The following RYR3 variants were observed in gnomAD, a reference collection of about 807,000 sequenced individuals.
The protein encoded by RYR3 is ryanodine receptor 3, also known as brain ryanodine receptor-calcium release channel.
A neutral mutation model predicts 584.3 loss-of-function variants in RYR3; 207 were observed. The ratio of observed to expected loss-of-function variants is 0.35; its 90% CI spans 0.32 to 0.40. The LOEUF (loss-of-function observed/expected upper bound fraction) is 0.40. RYR3 is among the 10% of genes least tolerant of loss of function. RYR3 has a pLI of 1.00. For missense variants in RYR3, 5,616 were observed against 6,089.2 expected, an observed-to-expected ratio of 0.92 and a Z score of 2.59; for synonymous variants, 2,416 against 2,248.5, an observed-to-expected ratio of 1.07 and a Z score of -2.11.
At chr15:33,505,700 G>T (rs1342787631) in intron 3 of RYR3, among the ~76,000 whole-genome samples, 1 of 152,144 alleles carries the variant, frequency 6.6e-6, no homozygotes, top group Non-Finnish European at 1.5e-5. Flanking sequence ...CACCGTGTTA[G>T]CCAGGATGGT....
At chr15:33,561,562 C>T (rs1161459041) in intron 10 of RYR3, among the ~76,000 whole-genome samples, 1 of 152,138 alleles carries the variant, frequency 6.6e-6, no homozygotes, top group African/African-American at 2.4e-5. Context: ...GAACTTAGAA[C>T]ATTGTACTGA....
intron 1 of RYR3, among the ~76,000 whole-genome samples, chr15:33,472,744 A>G (rs999590615): frequency 1.3e-5 from 2 of 152,016 alleles, no homozygotes; most frequent in African/African-American, 4.8e-5. Flanking sequence ...TTTGGGATTG[A>G]TATTTAGGAG....
At chr15:33,456,454 T>C (rs2047568713) in intron 1 of RYR3, among the ~76,000 whole-genome samples, 1 of 152,224 alleles carries the variant, frequency 6.6e-6, no homozygotes, top group African/African-American at 2.4e-5. Context: ...GCTGTGTGAT[T>C]GGTTGCCCAG....
intron 10 of RYR3, among the ~76,000 whole-genome samples, chr15:33,558,664 A>G (rs1451045289): frequency 1.3e-5 from 2 of 152,228 alleles, no homozygotes; most frequent in Non-Finnish European, 2.9e-5. Context: ...CATTTGACCC[A>G]GAAATCCCAG....
chr15:33,659,023 A>G (rs951399495), intron 32 of RYR3, among the ~76,000 whole-genome samples: 1 of 152,182 alleles, frequency 6.6e-6, no homozygotes, highest in African/African-American at 2.4e-5. Flanking sequence ...TTTCTCAATC[A>G]GGGGTACTTT....
chr15:33,794,295 TTATATATATATTTTTA>T (rs1397465453), intron 67 of RYR3, among the ~76,000 whole-genome samples: 30 of 77,002 alleles, frequency 3.9e-4, no homozygotes, highest in African/African-American at 8.5e-4. Context: ...AAAAGATTTT[TTATATATATATTTTTA>T]TATATATATA....
At position 33,848,995 on chromosome 15, in the gene RYR3, C is replaced by T. The variant is rs185368955; in HGVS notation, c.13628+574C>T. 496 of 152,584 alleles carry T rather than the reference C, an allele frequency of 3.3e-3. 5 individuals are homozygous for T. Among genetic ancestry groups the T allele is most frequent in the East Asian group, 1.3e-3 (7 of 5,202 alleles). The allele number at this position is 152,584 out of a possible 1,614,324, so 9.5% of individuals were successfully genotyped here. On this transcript the variant is annotated intron_variant, in intron 94 of 103. Transcript: ENST00000634891. ...GGACTACAGGCGCCTGCCACCACGC[C>T]TGGATAATTTTTTTGTATTTTCAGT...
intron 1 of RYR3, among the ~76,000 whole-genome samples, chr15:33,369,883 A>T (rs1030487893): frequency 2.0e-5 from 3 of 152,322 alleles, no homozygotes; most frequent in African/African-American, 7.2e-5. Context: ...CTTGATTATA[A>T]TCCCCATGGA....
intron 60 of RYR3, among the ~76,000 whole-genome samples, chr15:33,765,263 G>T (rs61040644): frequency 6.6e-6 from 1 of 152,000 alleles, no homozygotes; most frequent in African/African-American, 2.4e-5. Flanking sequence ...TGTGCCTCAG[G>T]TTCTCTCTGT....
chr15:33,720,866 C>A (rs2067854057), intron 43 of RYR3, among the ~76,000 whole-genome samples: 1 of 139,724 alleles, frequency 7.2e-6, no homozygotes, highest in Non-Finnish European at 1.6e-5. Flanking sequence ...AGAGCCAGAC[C>A]CTGTCTCTTA....
At chr15:33,548,322 T>G (rs1413098016) in intron 9 of RYR3, 118 bp downstream of exon 9, 1 of 628,522 alleles carries the variant, frequency 1.6e-6, no homozygotes, top group Non-Finnish European at 2.8e-6. Flanking sequence ...GTCCTTTGTC[T>G]AGAGCTAAGT....
At chr15:33,845,511 C>G (rs1448099483) in intron 93 of RYR3, among the ~76,000 whole-genome samples, 1 of 152,200 alleles carries the variant, frequency 6.6e-6, no homozygotes, top group Non-Finnish European at 1.5e-5. Context: ...GCCTCGGCCT[C>G]CCACAGTGCT....
chr15:33,776,281 A>G (rs1013322207), intron 64 of RYR3, among the ~76,000 whole-genome samples: 2 of 152,218 alleles, frequency 1.3e-5, no homozygotes, highest in Admixed American at 6.5e-5. Flanking sequence ...AGACAACAAC[A>G]CTGAGAATGT....
Position 33,571,273 on chromosome 15 carries a change from G to T in RYR3, c.1268+4474G>T, listed in dbSNP as rs77989447. Among the ~76,000 whole-genome samples, 356 of 152,266 alleles carry T rather than the reference G, an allele frequency of 2.3e-3. 11 individuals carry two copies. In the East Asian group the frequency reaches 0.048, roughly 20 times the overall value. ...GGAAGTTCCCTTCTATTCCTGGTTT[G>T]TTGAGAGCTTTTATCTTGAATGAGC... is the stretch of plus-strand genomic sequence containing the variant. On this transcript the variant is annotated intron_variant, in intron 12 of 103. Transcript: ENST00000634891.
At chr15:33,763,498 A>C (rs1342192515) in intron 60 of RYR3, among the ~76,000 whole-genome samples, 1 of 152,094 alleles carries the variant, frequency 6.6e-6, no homozygotes. Context: ...TTATGCGGCC[A>C]ACAAACATAT....
At chr15:33,621,170 A>C (rs141523597) in intron 19 of RYR3, among the ~76,000 whole-genome samples, 1 of 152,236 alleles carries the variant, frequency 6.6e-6, no homozygotes, top group East Asian at 1.9e-4. Flanking sequence ...TTTGAAACTC[A>C]ACAATTAGCA....
chr15:33,511,196 T>C (rs894294436), intron 3 of RYR3, among the ~76,000 whole-genome samples: 2 of 152,152 alleles, frequency 1.3e-5, no homozygotes, highest in Admixed American at 6.5e-5. Flanking sequence ...TGCTTGCTTA[T>C]AGTTTGTTGA....
rs557715805 is a variant in RYR3, at chr15:33,524,437, G to T, written c.280-6155G>T. Among the ~76,000 whole-genome samples the T allele has an allele frequency of 2.0e-5, 3 of 152,234 alleles. No individual in the cohort carries two copies. The South Asian group carries it at 6.2e-4, about 32-fold the overall frequency. ...TAATATTTTTCTTTGGGACAGTTAG[G>T]TTCTTTCCAGGTTTTTTGTTTTGTT... On this transcript the variant is annotated intron_variant, in intron 3 of 103. Transcript: ENST00000634891.
intron 1 of RYR3, among the ~76,000 whole-genome samples, chr15:33,408,534 C>T (rs969366740): frequency 2.0e-5 from 3 of 152,186 alleles, no homozygotes; most frequent in African/African-American, 7.2e-5. Context: ...ATTGCTGGGT[C>T]AAATGGTAGT....
Sources: gnomAD v4.1 joint callset for allele counts (sites outside exome capture counted in the v4.1 genomes callset) on GRCh38, gnomAD v4.1.1 for gene constraint, MANE v1.5 for transcripts, NCBI Gene and HGNC (gene_info 2026-07-23, HGNC 2026-07-21) for gene names.